The following MAML3 variants were observed in gnomAD, a reference collection of about 807,000 sequenced individuals.
MAML3 encodes mastermind-like protein 3.
Under a neutral mutation model 101.9 loss-of-function variants are expected in MAML3, and 27 were observed. The observed-to-expected ratio is 0.27, with a 90% CI of 0.20 to 0.37. The LOEUF is 0.37. Among genes scored for constraint, MAML3 ranks in the 10% least tolerant of loss-of-function variants. The pLI is 1.00. For missense variants in MAML3, 1,316 were observed against 1,444.9 expected (o/e 0.91, Z 1.45); for synonymous variants, 501 against 555.9 (o/e 0.90, Z 1.39).
At chr4:139,961,149 C>T (rs1734007087) in intron 1 of MAML3, among the ~76,000 whole-genome samples, 1 of 152,184 alleles carries the variant, frequency 6.6e-6, no homozygotes, top group Non-Finnish European at 1.5e-5. Flanking sequence ...TCTGGGGAAA[C>T]AACATGGGGG....
At chr4:140,123,384 A>G (rs893305476) in intron 1 of MAML3, among the ~76,000 whole-genome samples, 1 of 152,338 alleles carries the variant, frequency 6.6e-6, no homozygotes, top group South Asian at 2.1e-4. Flanking sequence ...TTCATAGTAC[A>G]TGTCACTACT....
chr4:140,086,580 T>C (rs12646446), intron 1 of MAML3, among the ~76,000 whole-genome samples: 33,662 of 152,132 alleles, frequency 0.22, 4,899 homozygotes, highest in East Asian at 0.44. Flanking sequence ...CTTACAGGTA[T>C]GGCAGAATCA....
At chr4:140,083,781 C>T (rs552217811) in intron 1 of MAML3, among the ~76,000 whole-genome samples, 4 of 152,176 alleles carry the variant, frequency 2.6e-5, no homozygotes, top group African/African-American at 9.6e-5. Context: ...ATCCACTTGC[C>T]ATTCTCTACC....
At chr4:139,998,472 G>T (rs954374036) in intron 1 of MAML3, among the ~76,000 whole-genome samples, 2 of 151,998 alleles carry the variant, frequency 1.3e-5, no homozygotes, top group African/African-American at 4.8e-5. Context: ...TCCCAAGCTG[G>T]TCTGCCTTTC....
intron 2 of MAML3, among the ~76,000 whole-genome samples, chr4:139,752,860 C>G (rs191836172): frequency 1.2e-4 from 19 of 152,200 alleles, no homozygotes; most frequent in African/African-American, 3.6e-4. Flanking sequence ...GCTGTTAATG[C>G]GATGTCATTA....
At chr4:139,895,797 G>A (rs1395266439) in intron 1 of MAML3, among the ~76,000 whole-genome samples, 2 of 152,118 alleles carry the variant, frequency 1.3e-5, no homozygotes, top group Non-Finnish European at 2.9e-5. Flanking sequence ...AACAGCAGAG[G>A]CTAGATCGTT....
At chr4:139,927,581 T>G (rs1397528254) in intron 1 of MAML3, among the ~76,000 whole-genome samples, 1 of 152,254 alleles carries the variant, frequency 6.6e-6, no homozygotes, top group Non-Finnish European at 1.5e-5. Flanking sequence ...ATGTATTCTT[T>G]GGAATTCTAC....
At chr4:139,772,410 C>T (rs1168175018) in intron 2 of MAML3, among the ~76,000 whole-genome samples, 4 of 151,418 alleles carry the variant, frequency 2.6e-5, no homozygotes, top group Non-Finnish European at 2.9e-5. Context: ...GGCGCGATCT[C>T]GGCTCACTGC....
intron 2 of MAML3, among the ~76,000 whole-genome samples, chr4:139,879,638 C>T (rs917823292): frequency 2.0e-3 from 6 of 3,030 alleles, no homozygotes; most frequent in African/African-American, 3.0e-3. Context: ...GAGATGTGGG[C>T]GGGGGGGTGG....
At chr4:139,793,246 A>C (rs1730451115) in intron 2 of MAML3, among the ~76,000 whole-genome samples, 1 of 152,102 alleles carries the variant, frequency 6.6e-6, no homozygotes, top group African/African-American at 2.4e-5. Flanking sequence ...GCATCAACCC[A>C]ACCTGCTTAC....
chr4:139,774,048 G>C (rs1730046492), intron 2 of MAML3, among the ~76,000 whole-genome samples: 1 of 152,232 alleles, frequency 6.6e-6, no homozygotes, highest in Non-Finnish European at 1.5e-5. Flanking sequence ...AGCAGGCCGT[G>C]TGAGCTTCAT....
chr4:139,861,626 AG>A (rs1489574215), intron 2 of MAML3, among the ~76,000 whole-genome samples: 4 of 152,114 alleles, frequency 2.6e-5, no homozygotes, highest in Admixed American at 6.6e-5. Context: ...AAGTTGGCAA[AG>A]GTGGACCTTT....
In MAML3 at chr4:139,959,370, C is replaced by T. The variant is rs548809346; in HGVS notation, c.469-68403G>A. 3.9e-4 allele frequency among the ~76,000 whole-genome samples: 60 copies of T among 152,268 alleles called. No individual in the cohort carries two copies. The South Asian group carries it at 0.012, about 31-fold the overall frequency. ...ATGGAATTCAGACTATGGGGGCTTT[C>T]AGGCAGAAATCCTTATTCCAAGGCT... On this transcript the variant is annotated intron_variant, in intron 1 of 4. Coordinates refer to ENST00000509479, the MANE Select transcript of MAML3 (RefSeq NM_018717.5).
chr4:139,755,361 CGT>C (rs1729623761), intron 2 of MAML3, among the ~76,000 whole-genome samples: 1 of 152,202 alleles, frequency 6.6e-6, no homozygotes, highest in Non-Finnish European at 1.5e-5. Flanking sequence ...CCAGCACAGG[CGT>C]GCTGGGAGGC....
intron 1 of MAML3, among the ~76,000 whole-genome samples, chr4:140,007,239 G>A (rs1329262321): frequency 2.0e-5 from 3 of 152,094 alleles, no homozygotes; most frequent in African/African-American, 7.2e-5. Flanking sequence ...GAAAACAAGA[G>A]GATACGTGAT....
chr4:140,109,501 G>T (rs899442363), intron 1 of MAML3, among the ~76,000 whole-genome samples: 21 of 152,178 alleles, frequency 1.4e-4, no homozygotes, highest in African/African-American at 4.8e-4. Flanking sequence ...TAACACAGTA[G>T]ATCAAGGGGG....
intron 4 of MAML3, 82 bp downstream of exon 4, chr4:139,725,669 G>T: frequency 7.4e-7 from 1 of 1,355,032 alleles, no homozygotes; most frequent in Non-Finnish European, 1.0e-6. Context: ...AATACAGCCA[G>T]TAAGGCAATG....
At chr4:140,132,908 G>A (rs28756047) in intron 1 of MAML3, 2 of 236,008 alleles carry the variant, frequency 8.5e-6, no homozygotes, top group Admixed American at 4.8e-5. Flanking sequence ...GGTCTACATC[G>A]TGAAACTTCC....
intron 2 of MAML3, among the ~76,000 whole-genome samples, chr4:139,771,214 G>C (rs1729972865): frequency 6.6e-6 from 1 of 152,228 alleles, no homozygotes; most frequent in African/African-American, 2.4e-5. Context: ...ATTTTGGAGA[G>C]GGTTTTGGGC....
Sources: gnomAD v4.1 joint callset for allele counts (sites outside exome capture counted in the v4.1 genomes callset) on GRCh38, gnomAD v4.1.1 for gene constraint, MANE v1.5 for transcripts, NCBI Gene and HGNC (gene_info 2026-07-23, HGNC 2026-07-21) for gene names.